PRKG1: variants seen among roughly 807,000 people sequenced by gnomAD.
PRKG1 encodes protein kinase cGMP-dependent 1.
A neutral mutation model predicts 88.1 loss-of-function variants in PRKG1; 35 were observed. That is an observed-to-expected ratio of 0.40 (90% CI 0.30 to 0.53). PRKG1 has a LOEUF of 0.53. PRKG1 is among the 20% of genes least tolerant of loss of function. The probability of loss-of-function intolerance (pLI) is 0.59; values close to 1 mark genes in which losing one functional copy is unlikely to be tolerated. For synonymous variants in PRKG1, 303 were observed against 292.5 expected (o/e 1.04, Z -0.37); for missense variants, 540 against 839.8 (o/e 0.64, Z 4.41).
chr10:51,996,839 T>A (rs1163608057), intron 5 of PRKG1, among the ~76,000 whole-genome samples: 2 of 152,188 alleles, frequency 1.3e-5, no homozygotes, highest in African/African-American at 4.8e-5. Flanking sequence ...CACTCCCATG[T>A]ACATTGTGGC....
intron 3 of PRKG1, among the ~76,000 whole-genome samples, chr10:51,758,154 G>T (rs1046644383): frequency 4.6e-5 from 7 of 152,140 alleles, no homozygotes; most frequent in Non-Finnish European, 8.8e-5. Context: ...TAAACTATGT[G>T]CTTATGTGAT....
At chr10:51,290,022 G>T (rs1375784512) in intron 2 of PRKG1, among the ~76,000 whole-genome samples, 1 of 152,022 alleles carries the variant, frequency 6.6e-6, no homozygotes, top group Non-Finnish European at 1.5e-5. Flanking sequence ...TTGAATTAGG[G>T]ATTATTCTTT....
At chr10:52,276,102 G>C (rs988922382) in intron 12 of PRKG1, among the ~76,000 whole-genome samples, 2 of 152,034 alleles carry the variant, frequency 1.3e-5, no homozygotes, top group African/African-American at 4.8e-5. Context: ...CTTAGGGTTT[G>C]CCAGGAAAAC....
intron 6 of PRKG1, among the ~76,000 whole-genome samples, chr10:52,060,529 T>C (rs923463638): frequency 2.0e-5 from 3 of 151,690 alleles, no homozygotes; most frequent in African/African-American, 4.8e-5. Flanking sequence ...TGATCAGACA[T>C]ATAATCAAAA....
chr10:52,037,594 G>C (rs11000538), intron 5 of PRKG1, among the ~76,000 whole-genome samples: 1 of 151,950 alleles, frequency 6.6e-6, no homozygotes, highest in Non-Finnish European at 1.5e-5. Flanking sequence ...GAGCCTAAAC[G>C]CTATCTGATT....
At chr10:51,296,478 C>A (rs1326809629) in intron 2 of PRKG1, among the ~76,000 whole-genome samples, 3 of 152,028 alleles carry the variant, frequency 2.0e-5, no homozygotes, top group African/African-American at 7.2e-5. Flanking sequence ...TAATTGTTCA[C>A]AATAGTCCCT....
At chr10:51,400,845 G>A (rs951247693) in intron 2 of PRKG1, among the ~76,000 whole-genome samples, 4 of 152,302 alleles carry the variant, frequency 2.6e-5, no homozygotes, top group African/African-American at 7.2e-5. Context: ...CCTCAGGTGT[G>A]TAATGATGGG....
At chr10:52,115,340 G>A (rs919098876) in intron 7 of PRKG1, among the ~76,000 whole-genome samples, 1 of 151,858 alleles carries the variant, frequency 6.6e-6, no homozygotes, top group African/African-American at 2.4e-5. Context: ...TTGTGTAGTC[G>A]ATATAAAGCC....
At position 52,183,537 on chromosome 10, in the gene PRKG1, C is replaced by T. The variant is rs537764744; in HGVS notation, c.1076+21574C>T. Among the ~76,000 whole-genome samples the T allele has an allele frequency of 1.4e-4, 22 of 152,298 alleles. No homozygotes were observed. In the South Asian group the frequency reaches 4.6e-3, roughly 32 times the overall value. ...GGGTGGCAGGAGTTGGTTTTCCTAC[C>T]GTCCAGGGCCAGAGTCATAGCTAAT... On this transcript the variant is annotated intron_variant, in intron 9 of 17. Transcript: ENST00000373980.
At chr10:51,252,382 T>TA (rs1193965814) in intron 2 of PRKG1, among the ~76,000 whole-genome samples, 2 of 151,800 alleles carry the variant, frequency 1.3e-5, no homozygotes, top group East Asian at 3.9e-4. Flanking sequence ...AGCCCAAATA[T>TA]AAAATGCATG....
intron 3 of PRKG1, among the ~76,000 whole-genome samples, chr10:51,779,042 C>G (rs1007811464): frequency 6.6e-6 from 1 of 152,118 alleles, no homozygotes; most frequent in African/African-American, 2.4e-5. Context: ...AGGAACAGAA[C>G]TTTAAGAAAA....
chr10:51,622,952 C>T (rs922886178), intron 3 of PRKG1, among the ~76,000 whole-genome samples: 4 of 152,182 alleles, frequency 2.6e-5, no homozygotes, highest in Admixed American at 2.6e-4. Flanking sequence ...ATGCATGAGA[C>T]AGAGTCACAT....
At chr10:51,116,370 G>A (rs955195630) in intron 1 of PRKG1, among the ~76,000 whole-genome samples, 4 of 152,086 alleles carry the variant, frequency 2.6e-5, no homozygotes, top group Admixed American at 2.0e-4. Context: ...TAATCCCTTC[G>A]AAGAACTAGA....
intron 3 of PRKG1, among the ~76,000 whole-genome samples, chr10:51,572,023 T>A (rs1358093061): frequency 1.3e-5 from 2 of 151,752 alleles, no homozygotes; most frequent in East Asian, 3.9e-4. Context: ...ATGTCAAAGT[T>A]TCACATTTGT....
chr10:51,376,498 T>C (rs977374353), intron 2 of PRKG1, among the ~76,000 whole-genome samples: 19 of 152,212 alleles, frequency 1.2e-4, no homozygotes, highest in Non-Finnish European at 2.1e-4. Context: ...TTGAAAAAAA[T>C]TGGATGCTGT....
intron 5 of PRKG1, among the ~76,000 whole-genome samples, chr10:51,971,944 A>G (rs1371206488): frequency 1.3e-5 from 2 of 152,186 alleles, no homozygotes; most frequent in South Asian, 2.1e-4. Context: ...GATATAACGC[A>G]TTTTACCATT....
At chr10:51,627,753 T>A (rs541086933) in intron 3 of PRKG1, among the ~76,000 whole-genome samples, 142 of 152,266 alleles carry the variant, frequency 9.3e-4, no homozygotes, top group African/African-American at 3.0e-3. Flanking sequence ...TTTCTGAGAC[T>A]TGAAAGTGCT....
rs751951327 is a variant in PRKG1 at position 51,370,053 on chromosome 10, G to A, written c.479-97670G>A. 5.3e-5 allele frequency among the ~76,000 whole-genome samples: 8 copies of A among 152,220 alleles called. No homozygotes were observed. In the South Asian group the frequency reaches 1.0e-3, roughly 20 times the overall value. On this transcript the variant is annotated intron_variant, in intron 2 of 17. Transcript: ENST00000373980. ...GTGTTTGCCATTTTGATGATGAGATGAGTAATTTCTTGGTACCATATGAAA... is the reference window on the plus strand; with the variant it reads ...GTGTTTGCCATTTTGATGATGAGATAAGTAATTTCTTGGTACCATATGAAA...
intron 6 of PRKG1, among the ~76,000 whole-genome samples, chr10:52,061,846 A>G (rs1846243377): frequency 6.6e-6 from 1 of 152,140 alleles, no homozygotes; most frequent in Non-Finnish European, 1.5e-5. Flanking sequence ...CTTTATGAAA[A>G]TGAGATGTGT....
Sources: allele counts gnomAD v4.1 joint callset (sites outside exome capture counted in the v4.1 genomes callset), GRCh38; gene constraint gnomAD v4.1.1; transcripts MANE v1.5; gene names NCBI Gene and HGNC (gene_info 2026-07-23, HGNC 2026-07-21).